MYOM2: variants seen among roughly 807,000 people sequenced by gnomAD.
MYOM2 encodes myomesin 2, also known as myomesin-2.
In MYOM2, 254 loss-of-function variants were observed where a neutral mutation model predicts 187.6. The ratio of observed to expected loss-of-function variants is 1.35; its 90% CI spans 1.22 to 1.50. The LOEUF (loss-of-function observed/expected upper bound fraction) is 1.50, where lower values mean the gene tolerates loss of function less well. MYOM2 is among the 40% of genes most tolerant of loss of function. MYOM2 has a pLI of 0.00. For missense variants in MYOM2, 2,796 were observed against 1,924.0 expected, an observed-to-expected ratio of 1.45 and a Z score of -8.48; for synonymous variants, 981 against 753.8, an observed-to-expected ratio of 1.30 and a Z score of -4.94.
intron 13 of MYOM2, among the ~76,000 whole-genome samples, chr8:2,082,589 C>T (rs1297861766): frequency 1.3e-5 from 2 of 152,196 alleles, no homozygotes; most frequent in Admixed American, 1.3e-4. Flanking sequence ...TATCCATGCG[C>T]TTGCCTTACC....
At chr8:2,047,606 T>G (rs895979592) in intron 1 of MYOM2, among the ~76,000 whole-genome samples, 50 of 152,216 alleles carry the variant, frequency 3.3e-4, no homozygotes, top group Admixed American at 5.9e-4. Flanking sequence ...TGGAATCAAC[T>G]GAGGCTGATG....
intron 6 of MYOM2, among the ~76,000 whole-genome samples, chr8:2,068,250 C>T (rs534793148): frequency 4.8e-4 from 72 of 150,574 alleles, no homozygotes; most frequent in African/African-American, 1.6e-3. Flanking sequence ...ATCCCGGGGG[C>T]AGCTCTTCAA....
intron 14 of MYOM2, among the ~76,000 whole-genome samples, chr8:2,088,132 A>T (rs1371880090): frequency 1.3e-5 from 2 of 151,826 alleles, no homozygotes; most frequent in African/African-American, 4.8e-5. Context: ...GTGATTTGAG[A>T]GATTTTGGTG....
rs2235122 is a variant in MYOM2 at position 2,092,470 on chromosome 8, C to T, written c.1953C>T (p.Ala651=). ...LLGYYVDCCV[A]GTNLWEPCNH... ...GCTACTACGTGGACTGCTGTGTGGC[C>T]GGAACCAACCTCTGGGAGCCCTGCA... The change falls in exon 16 of 37, where the codon GCC becomes GCT. Residue 651 remains alanine, a synonymous_variant. Transcript: ENST00000262113. 249,569 of 1,613,854 alleles carry T rather than the reference C, an allele frequency of 0.15. 19,945 individuals are homozygous for T. The highest frequency in any genetic ancestry group is 0.19 in the East Asian group (8,468 of 44,844).
chr8:2,065,553 G>C (rs189829869), intron 6 of MYOM2, among the ~76,000 whole-genome samples: 14 of 152,272 alleles, frequency 9.2e-5, no homozygotes, highest in Admixed American at 3.3e-4. Flanking sequence ...CCGGGTGACA[G>C]TGTGAGACTC....
In MYOM2 at chr8:2,109,528, C is replaced by T. The variant is rs760901581; in HGVS notation, c.3177C>T (p.Ser1059=). Residue 1059 remains serine (S), a synonymous_variant, in exon 25 of 37, where the codon AGC becomes AGT. Coordinates refer to ENST00000262113, the MANE Select transcript of MYOM2 (RefSeq NM_003970.4). ...FIINDREVSD[S]EIHRIKCDKA... ...TTAACGACAGAGAAGTCTCTGACAGCGAGGTGAGTTCCTGTGTGAGTGATC... is the reference window on the plus strand; with the variant it reads ...TTAACGACAGAGAAGTCTCTGACAGTGAGGTGAGTTCCTGTGTGAGTGATC... 132 of 1,609,584 alleles carry T rather than the reference C, an allele frequency of 8.2e-5. No individual in the cohort carries two copies. The highest frequency in any genetic ancestry group is 4.7e-4 in the Admixed American group (28 of 59,200).
Position 2,144,710 on chromosome 8 carries a change from T to A in MYOM2, c.4127T>A (p.Val1376Glu). 6.2e-7 allele frequency: 1 copy of A among 1,614,004 alleles called. No individual in the cohort carries two copies. The highest frequency in any genetic ancestry group is 8.5e-7 in the Non-Finnish European group (1 of 1,180,022). ...CTVFGNPDPE[V>E]IWFKNDQDIQ... The stretch of plus-strand genomic sequence containing the variant: ...GTGTTTGGAAACCCTGACCCCGAAG[T>A]GATTTGGTTCAAGAACGACCAGGAC... The change falls in exon 37 of 37, where the codon GTG becomes GAG. Residue 1376 changes from valine to glutamate, a missense_variant. Coordinates refer to ENST00000262113, the MANE Select transcript of MYOM2 (RefSeq NM_003970.4).
chr8:2,106,474 C>G lies in MYOM2; in HGVS notation c.2892-17C>G. ...AACAGAAATGATCGACATTCACCTACTCTTCTTCCTTTTTAGCTCCAAGCT... is the reference window on the plus strand; with the variant it reads ...AACAGAAATGATCGACATTCACCTAGTCTTCTTCCTTTTTAGCTCCAAGCT... On this transcript the variant is annotated splice_polypyrimidine_tract_variant and intron_variant, in intron 22 of 36. Coordinates refer to ENST00000262113, the MANE Select transcript of MYOM2 (RefSeq NM_003970.4). The G allele has an allele frequency of 6.2e-7, 1 of 1,610,378 alleles. No homozygotes were observed. Among genetic ancestry groups the G allele is most frequent in the Non-Finnish European group, 8.5e-7 (1 of 1,176,848 alleles).
At chr8:2,058,545 T>G (rs1818749643) in intron 5 of MYOM2, among the ~76,000 whole-genome samples, 1 of 152,202 alleles carries the variant, frequency 6.6e-6, no homozygotes, top group Admixed American at 6.5e-5. Flanking sequence ...AAGACCCTTT[T>G]TGTATCAACA....
intron 1 of MYOM2, 64 bp downstream of exon 1, chr8:2,045,232 T>C (rs1818274020): frequency 6.6e-6 from 1 of 152,246 alleles, no homozygotes; most frequent in African/African-American, 2.4e-5. Flanking sequence ...CGGTAACTTC[T>C]GCACTCACAT....
At chr8:2,137,364 A>G (rs376798402) in intron 32 of MYOM2, among the ~76,000 whole-genome samples, 1 of 151,918 alleles carries the variant, frequency 6.6e-6, no homozygotes, top group Non-Finnish European at 1.5e-5. Flanking sequence ...ACCAGGCATG[A>G]CAAAAATCGT....
chr8:2,132,378 G>T (rs1797905392), intron 32 of MYOM2, among the ~76,000 whole-genome samples: 1 of 152,206 alleles, frequency 6.6e-6, no homozygotes. Flanking sequence ...CACTTTAAGG[G>T]AATGTTAGAA....
chr8:2,116,946 AGACG>A (rs141226183), intron 27 of MYOM2, among the ~76,000 whole-genome samples: 113,751 of 151,422 alleles, frequency 0.75, 42,807 homozygotes, highest in Admixed American at 0.81. Context: ...TTTTTAGTAG[AGACG>A]GACGGGGTTT....
At chr8:2,141,840 G>A (rs1278886471) in intron 34 of MYOM2, among the ~76,000 whole-genome samples, 3 of 152,154 alleles carry the variant, frequency 2.0e-5, no homozygotes, top group Non-Finnish European at 2.9e-5. Context: ...TGGCGGTGCT[G>A]CTGCTCTGCC....
rs550094462 is a variant in MYOM2, at chr8:2,143,395, T to C, written c.4025-6T>C. On this transcript the variant is annotated splice_region_variant and splice_polypyrimidine_tract_variant and intron_variant, in intron 35 of 36. Coordinates refer to ENST00000262113, the MANE Select transcript of MYOM2 (RefSeq NM_003970.4). Reference sequence around the variant, plus strand: ...TTTTCCTAACCAAGGTGCTTTCCCGTTGCAGATCGTGGCAGGTTGATCGGC... The same window carrying C: ...TTTTCCTAACCAAGGTGCTTTCCCGCTGCAGATCGTGGCAGGTTGATCGGC... 1 of 1,614,230 alleles carries C rather than the reference T, an allele frequency of 6.2e-7. No homozygotes were observed. The highest frequency in any genetic ancestry group is 1.3e-5 in the African/African-American group (1 of 75,070).
chr8:2,091,781 C>G (rs952786892), intron 15 of MYOM2, among the ~76,000 whole-genome samples: 1 of 152,162 alleles, frequency 6.6e-6, no homozygotes, highest in East Asian at 1.9e-4. Flanking sequence ...ATGACAGTGT[C>G]CATCACTGAG....
chr8:2,113,118 C>T (rs551164841), intron 25 of MYOM2, among the ~76,000 whole-genome samples: 91 of 152,300 alleles, frequency 6.0e-4, no homozygotes, highest in African/African-American at 1.9e-3. Context: ...GTATTGGTAA[C>T]GCTGGGCACG....
At chr8:2,097,297 T>C (rs1796527951) in intron 18 of MYOM2, 1 of 161,154 alleles carries the variant, frequency 6.2e-6, no homozygotes, top group Non-Finnish European at 1.3e-5. Context: ...TTGCCCACGT[T>C]CAACCTCTGT....
intron 6 of MYOM2, among the ~76,000 whole-genome samples, chr8:2,064,190 G>C (rs368129121): frequency 6.6e-6 from 1 of 152,182 alleles, no homozygotes; most frequent in Non-Finnish European, 1.5e-5. Flanking sequence ...TCCCGGCCTC[G>C]GGGCAGGCAG....
Sources: gnomAD v4.1 joint callset for allele counts (sites outside exome capture counted in the v4.1 genomes callset) on GRCh38, gnomAD v4.1.1 for gene constraint, MANE v1.5 for transcripts, NCBI Gene and HGNC (gene_info 2026-07-23, HGNC 2026-07-21) for gene names.